RSRC1: variants seen among roughly 807,000 people sequenced by gnomAD.
RSRC1 encodes serine/Arginine-related protein 53.
Under a neutral mutation model 49.1 loss-of-function variants are expected in RSRC1, and 39 were observed. That is an observed-to-expected ratio of 0.79 (90% CI 0.61 to 1.04). RSRC1 has a LOEUF of 1.04. Ranked by LOEUF, RSRC1 falls within the 50% of genes least tolerant of loss-of-function variation. The pLI is 0.00. For synonymous variants in RSRC1, 143 were observed against 130.8 expected (o/e 1.09, Z -0.63); for missense variants, 388 against 402.4 (o/e 0.96, Z 0.31).
At chr3:158,285,126 C>T (rs1578287788) in intron 4 of RSRC1, among the ~76,000 whole-genome samples, 1 of 152,116 alleles carries the variant, frequency 6.6e-6, no homozygotes, top group Non-Finnish European at 1.5e-5. Context: ...AGCCAGTTTT[C>T]CCAGCACCAT....
At chr3:158,151,544 C>T (rs1000424719) in intron 3 of RSRC1, among the ~76,000 whole-genome samples, 1 of 152,102 alleles carries the variant, frequency 6.6e-6, no homozygotes, top group African/African-American at 2.4e-5. Flanking sequence ...TTGTTTTTCC[C>T]AGATATGTTC....
intron 1 of RSRC1, among the ~76,000 whole-genome samples, chr3:158,115,545 G>T (rs1229541393): frequency 6.6e-6 from 1 of 152,008 alleles, no homozygotes; most frequent in Non-Finnish European, 1.5e-5. Context: ...TAATTAAAAC[G>T]AAATTTTGAA....
chr3:158,532,827 A>G (rs1458910822), intron 7 of RSRC1, among the ~76,000 whole-genome samples: 6 of 151,836 alleles, frequency 4.0e-5, no homozygotes, highest in Non-Finnish European at 5.9e-5. Flanking sequence ...AACATCCCAT[A>G]TTAATTCTCC....
chr3:158,530,002 G>A (rs975799105), intron 7 of RSRC1, among the ~76,000 whole-genome samples: 3 of 151,812 alleles, frequency 2.0e-5, no homozygotes, highest in Non-Finnish European at 4.4e-5. Context: ...GATGTGCACA[G>A]GCCTGTCCTC....
At chr3:158,213,116 A>G (rs931942345) in intron 4 of RSRC1, among the ~76,000 whole-genome samples, 4 of 151,954 alleles carry the variant, frequency 2.6e-5, no homozygotes, top group South Asian at 2.1e-4. Context: ...GAAGAAACAG[A>G]TATCTCTATG....
chr3:158,312,296 C>A (rs1728174899), intron 5 of RSRC1, among the ~76,000 whole-genome samples: 1 of 151,952 alleles, frequency 6.6e-6, no homozygotes, highest in Non-Finnish European at 1.5e-5. Flanking sequence ...GTGTTTGATC[C>A]TTATAGAAAG....
At chr3:158,251,106 C>G (rs921103438) in intron 4 of RSRC1, among the ~76,000 whole-genome samples, 1 of 152,022 alleles carries the variant, frequency 6.6e-6, no homozygotes, top group African/African-American at 2.4e-5. Flanking sequence ...GTTCATGACA[C>G]CTTTGTTGAA....
chr3:158,517,596 CT>C (rs11341682), intron 7 of RSRC1, among the ~76,000 whole-genome samples: 85,924 of 143,990 alleles, frequency 0.6, 25,802 homozygotes, highest in African/African-American at 0.73. Context: ...TTTTGTTAGA[CT>C]TTTTTTTTTT....
intron 6 of RSRC1, among the ~76,000 whole-genome samples, chr3:158,445,356 G>A (rs747113024): frequency 6.6e-5 from 10 of 152,090 alleles, no homozygotes; most frequent in Admixed American, 1.3e-4. Context: ...CCTTTGTAGG[G>A]ACATGGATGA....
intron 6 of RSRC1, among the ~76,000 whole-genome samples, chr3:158,402,591 C>T (rs1297958188): frequency 6.6e-6 from 1 of 151,656 alleles, no homozygotes; most frequent in Non-Finnish European, 1.5e-5. Flanking sequence ...GCTCCAAAAT[C>T]AGAAAATTAA....
At chr3:158,358,043 C>T (rs1348336578) in intron 6 of RSRC1, among the ~76,000 whole-genome samples, 3 of 152,066 alleles carry the variant, frequency 2.0e-5, no homozygotes, top group Non-Finnish European at 4.4e-5. Flanking sequence ...GAATTAAAAT[C>T]TGTTTCGAAT....
chr3:158,287,000 G>T (rs532107928), intron 4 of RSRC1, among the ~76,000 whole-genome samples: 136 of 152,180 alleles, frequency 8.9e-4, no homozygotes, highest in African/African-American at 3.2e-3. Context: ...CCAATTTTTT[G>T]TATTTTTAGT....
At chr3:158,438,560 C>A (rs954260532) in intron 6 of RSRC1, among the ~76,000 whole-genome samples, 7 of 152,084 alleles carry the variant, frequency 4.6e-5, no homozygotes, top group Non-Finnish European at 1.0e-4. Flanking sequence ...CAAAAACAAG[C>A]AATGGGGAAA....
At chr3:158,395,969 T>C (rs924274920) in intron 6 of RSRC1, among the ~76,000 whole-genome samples, 7 of 152,132 alleles carry the variant, frequency 4.6e-5, no homozygotes, top group African/African-American at 1.7e-4. Flanking sequence ...GTTAAGAAGA[T>C]GTGGTACATA....
In RSRC1 at chr3:158,459,521, A is replaced by G. The variant is rs186082706; in HGVS notation, c.584-1414A>G. On this transcript the variant is annotated intron_variant, in intron 6 of 9. Transcript: ENST00000611884. ...ATCTGAGCGGGATAATTTGAAAGAA[A>G]CATAAGCTGAGCATTTTACATGACT... 7.2e-5 allele frequency among the ~76,000 whole-genome samples: 11 copies of G among 152,240 alleles called. No homozygotes were observed. The East Asian group carries it at 1.9e-3, about 27-fold the overall frequency.
At chr3:158,214,907 A>C (rs1721871279) in intron 4 of RSRC1, among the ~76,000 whole-genome samples, 1 of 151,864 alleles carries the variant, frequency 6.6e-6, no homozygotes, top group Non-Finnish European at 1.5e-5. Context: ...TGTTGTATAA[A>C]TAGCAATTAA....
intron 5 of RSRC1, chr3:158,336,287 T>G (rs555117437): frequency 6.6e-6 from 1 of 152,472 alleles, no homozygotes; most frequent in Admixed American, 6.5e-5. Flanking sequence ...CAGCATTGTT[T>G]TTGGTTTTGC....
intron 4 of RSRC1, among the ~76,000 whole-genome samples, chr3:158,206,852 T>G (rs1416271240): frequency 6.6e-6 from 1 of 152,134 alleles, no homozygotes; most frequent in Non-Finnish European, 1.5e-5. Context: ...AGGTGGAGGT[T>G]GCAGTGAGCT....
At chr3:158,300,849 G>A (rs1019948982) in intron 5 of RSRC1, among the ~76,000 whole-genome samples, 11 of 152,106 alleles carry the variant, frequency 7.2e-5, no homozygotes, top group South Asian at 2.1e-4. Flanking sequence ...TATATTTGTC[G>A]CTTGTTATAC....
Sources: gnomAD v4.1 joint callset for allele counts (sites outside exome capture counted in the v4.1 genomes callset) on GRCh38, gnomAD v4.1.1 for gene constraint, MANE v1.5 for transcripts, NCBI Gene and HGNC (gene_info 2026-07-23, HGNC 2026-07-21) for gene names.